The following ENTPD1 variants were observed in gnomAD, a reference collection of about 807,000 sequenced individuals.
The protein encoded by ENTPD1 is ATP diphosphohydrolase.
ENTPD1 carries 33 observed loss-of-function variants against 57.0 expected under a neutral mutation model. That is an observed-to-expected ratio of 0.58 (90% CI 0.44 to 0.77). The LOEUF (loss-of-function observed/expected upper bound fraction) is 0.77. Ranked by LOEUF, ENTPD1 falls within the 30% of genes least tolerant of loss-of-function variation. The pLI, the probability that ENTPD1 is intolerant of heterozygous loss-of-function variation, is 0.00. For missense variants in ENTPD1, 501 were observed against 603.4 expected (o/e 0.83, Z 1.78); for synonymous variants, 202 against 218.8 (o/e 0.92, Z 0.68).
chr10:95,779,243 T>C lies in ENTPD1; in HGVS notation c.16+22988T>C, dbSNP rs371021331. 4.1e-3 allele frequency among the ~76,000 whole-genome samples: 623 copies of C among 152,322 alleles called. 2 individuals are homozygous for C. Among genetic ancestry groups the C allele is most frequent in the Middle Eastern group, 0.02 (6 of 294 alleles). The stretch of plus-strand genomic sequence containing the variant: ...TCTCCCATTTCTACATCTCCTTCCA[T>C]AGGAGATAGTCCCTCAAATATTTGA... On this transcript the variant is annotated intron_variant, in intron 1 of 9. Transcript: ENST00000371205.
At chr10:95,794,028 G>T (rs557055384) in intron 1 of ENTPD1, among the ~76,000 whole-genome samples, 1 of 152,178 alleles carries the variant, frequency 6.6e-6, no homozygotes, top group Non-Finnish European at 1.5e-5. Context: ...GGCATTGTAT[G>T]ATATGAATTG....
intron 7 of ENTPD1, among the ~76,000 whole-genome samples, chr10:95,854,104 T>C (rs1000017855): frequency 1.3e-5 from 2 of 152,198 alleles, no homozygotes; most frequent in African/African-American, 4.8e-5. Flanking sequence ...TTGCCTCAAT[T>C]TCAGAGCCTG....
intron 9 of ENTPD1, 59 bp downstream of exon 9, chr10:95,864,920 C>A: frequency 1.3e-6 from 2 of 1,585,034 alleles, no homozygotes; most frequent in Middle Eastern, 2.3e-4. Flanking sequence ...GTGACTGAAG[C>A]AGTTTGGGGC....
intron 1 of ENTPD1, among the ~76,000 whole-genome samples, chr10:95,803,830 T>G (rs1242622874): frequency 6.6e-6 from 1 of 152,180 alleles, no homozygotes; most frequent in Non-Finnish European, 1.5e-5. Flanking sequence ...GTTTTTAAGG[T>G]TTTAGGTCTA....
intron 1 of ENTPD1, among the ~76,000 whole-genome samples, chr10:95,763,060 A>C (rs2098073171): frequency 6.6e-6 from 1 of 151,918 alleles, no homozygotes; most frequent in Non-Finnish European, 1.5e-5. Flanking sequence ...TTCCTGCCAT[A>C]CTTATAATAG....
Position 95,869,126 on chromosome 10 carries a change from C to T in ENTPD1, c.*2743C>T. 1 of 984,906 alleles carries T rather than the reference C, an allele frequency of 1.0e-6. No homozygotes were observed. Among genetic ancestry groups the T allele is most frequent in the Non-Finnish European group, 1.2e-6 (1 of 829,886 alleles). The allele number at this position is 984,906 out of a possible 1,614,324, so 61.0% of individuals were successfully genotyped here. A position where few individuals can be genotyped will look rare whatever the true frequency, so the allele number is the denominator to read the frequency against. ...CTGGATTTTCACCCAGGACTCAAAA[C>T]TTGGTTCTGCTAACCCTGTTCCTTT... On this transcript the variant is annotated 3_prime_UTR_variant, in exon 10 of 10. Coordinates refer to ENST00000371205, the MANE Select transcript of ENTPD1 (RefSeq NM_001776.6).
chr10:95,822,287 G>A (rs143538617), intron 1 of ENTPD1, among the ~76,000 whole-genome samples: 3 of 145,674 alleles, frequency 2.1e-5, no homozygotes, highest in South Asian at 2.2e-4. Context: ...CGTGAGCCAC[G>A]GCACCCGTTT....
rs1008798336 is a variant in ENTPD1 at position 95,867,804 on chromosome 10, A to G, written c.*1421A>G. The G allele has an allele frequency of 2.0e-6, 2 of 985,326 alleles. No homozygotes were observed. Among genetic ancestry groups the G allele is most frequent in the Non-Finnish European group, 2.4e-6 (2 of 829,944 alleles). The allele number at this position is 985,326 out of a possible 1,614,324, so 61.0% of individuals were successfully genotyped here. ...GACTGTTGAGCTGATGGGGAAAGAA[A>G]AGCTCTCACACAAACCGGAAGCCAA... On this transcript the variant is annotated 3_prime_UTR_variant, in exon 10 of 10. Coordinates refer to ENST00000371205, the MANE Select transcript of ENTPD1 (RefSeq NM_001776.6).
rs1446032184 is a variant in ENTPD1, at chr10:95,845,303, T to G, written c.574-54T>G. The stretch of plus-strand genomic sequence containing the variant: ...AAATCCCTGACTCCAATAGATACTA[T>G]GAAAAGCAGGGTGTCCAGAGACTTC... On this transcript the variant is annotated intron_variant, in intron 5 of 9. Coordinates refer to ENST00000371205, the MANE Select transcript of ENTPD1 (RefSeq NM_001776.6). 9.3e-6 allele frequency: 15 copies of G among 1,613,258 alleles called. No homozygotes were observed. In the Admixed American group the frequency reaches 1.0e-4, roughly 11 times the overall value.
intron 7 of ENTPD1, among the ~76,000 whole-genome samples, chr10:95,859,196 G>C (rs747055886): frequency 2.6e-5 from 4 of 152,194 alleles, no homozygotes; most frequent in Non-Finnish European, 5.9e-5. Flanking sequence ...CTGGGTTTAT[G>C]TCAATTGGAA....
intron 1 of ENTPD1, among the ~76,000 whole-genome samples, chr10:95,767,442 G>A (rs770308617): frequency 5.3e-5 from 8 of 151,300 alleles, no homozygotes; most frequent in Non-Finnish European, 1.2e-4. Flanking sequence ...GAGTTTTTGT[G>A]TCCCTGTGTC....
chr10:95,695,502 T>C, the ENTPD1 span, among the ~76,000 whole-genome samples: 1 of 152,372 alleles, frequency 6.6e-6, no homozygotes, highest in East Asian at 1.9e-4. Context: ...TTTACTTGAA[T>C]TCTCTTACAA....
At chr10:95,725,986 G>T (rs2097983198) in intron 1 of ENTPD1, among the ~76,000 whole-genome samples, 1 of 152,210 alleles carries the variant, frequency 6.6e-6, no homozygotes, top group Non-Finnish European at 1.5e-5. Flanking sequence ...GAAAGCTGCT[G>T]GTTTTCATGG....
intron 7 of ENTPD1, among the ~76,000 whole-genome samples, chr10:95,855,544 C>CT (rs1239554476): frequency 6.6e-6 from 1 of 152,110 alleles, no homozygotes; most frequent in Non-Finnish European, 1.5e-5. Flanking sequence ...ATGGTCTTTA[C>CT]AATTTGGCAT....
At chr10:95,765,487 C>T (rs564509273) in intron 1 of ENTPD1, among the ~76,000 whole-genome samples, 50 of 152,256 alleles carry the variant, frequency 3.3e-4, no homozygotes, top group African/African-American at 9.6e-4. Flanking sequence ...TGTTGAAAAT[C>T]AATTTCCCAT....
chr10:95,818,787 C>T (rs561836688), intron 1 of ENTPD1, among the ~76,000 whole-genome samples: 34 of 152,306 alleles, frequency 2.2e-4, no homozygotes, highest in African/African-American at 5.8e-4. Context: ...GGAACGACAA[C>T]GCCAGATTAG....
intron 1 of ENTPD1, among the ~76,000 whole-genome samples, chr10:95,721,027 C>T (rs1253620926): frequency 2.0e-5 from 3 of 152,218 alleles, no homozygotes; most frequent in East Asian, 1.9e-4. Flanking sequence ...ATGCCTAAGG[C>T]GGACTTTTGA....
chr10:95,731,143 T>A (rs2097988629), intron 1 of ENTPD1, among the ~76,000 whole-genome samples: 1 of 152,220 alleles, frequency 6.6e-6, no homozygotes, highest in African/African-American at 2.4e-5. Context: ...CAGTGCTGTC[T>A]GAGATTTTAA....
intron 2 of ENTPD1, among the ~76,000 whole-genome samples, chr10:95,838,131 A>G (rs1263421118): frequency 1.3e-5 from 2 of 151,986 alleles, no homozygotes; most frequent in African/African-American, 2.4e-5. Flanking sequence ...ACTTCCCTCT[A>G]TGTTTCTTCT....
Sources: gnomAD v4.1 joint callset for allele counts (sites outside exome capture counted in the v4.1 genomes callset) on GRCh38, gnomAD v4.1.1 for gene constraint, MANE v1.5 for transcripts, NCBI Gene and HGNC (gene_info 2026-07-23, HGNC 2026-07-21) for gene names.